Variants in STON2 observed in about 807,000 individuals in gnomAD.
STON2 encodes the protein stonin 2.
Under a neutral mutation model 65.7 loss-of-function variants are expected in STON2, and 29 were observed. The ratio of observed to expected loss-of-function variants is 0.44; its 90% confidence interval spans 0.33 to 0.60. STON2 has a LOEUF of 0.60. Among genes scored for constraint, STON2 ranks in the 20% least tolerant of loss-of-function variants. The pLI is 0.03. For synonymous variants in STON2, 404 were observed against 414.2 expected (o/e 0.98, Z 0.30); for missense variants, 1,054 against 1,118.1 (o/e 0.94, Z 0.82).
At chr14:81,311,575 T>A (rs1055644418) in intron 5 of STON2, among the ~76,000 whole-genome samples, 3 of 152,172 alleles carry the variant, frequency 2.0e-5, no homozygotes, top group African/African-American at 4.8e-5. Flanking sequence ...TTCTATTAAC[T>A]CCACATAAAA....
chr14:81,277,178 A>C lies in STON2; in HGVS notation c.2304T>G (p.Thr768=), dbSNP rs1258219971. 6.8e-6 allele frequency: 11 copies of C among 1,614,230 alleles called. No homozygotes were observed. The highest frequency in any genetic ancestry group is 8.5e-6 in the Non-Finnish European group (10 of 1,180,038). ...VEVQSWLRMS[T]GFSANRDPLT... is the part of the protein sequence containing the mutation. ...GGGGGTCACGATTGGCGGAGAAGCCAGTTGACATCCTCAGCCAGCTCTGCA... is the reference window on the plus strand; with the variant it reads ...GGGGGTCACGATTGGCGGAGAAGCCCGTTGACATCCTCAGCCAGCTCTGCA... Residue 768 remains threonine, a synonymous_variant, in exon 6 of 8, where the codon ACT becomes ACG. Transcript: ENST00000614646.
intron 5 of STON2, among the ~76,000 whole-genome samples, chr14:81,287,154 A>G (rs1895363882): frequency 1.3e-5 from 2 of 152,210 alleles, no homozygotes; most frequent in South Asian, 4.1e-4. Flanking sequence ...AGTCATATCA[A>G]GCTTATCAAG....
intron 7 of STON2, 97 bp from the exon 8 acceptor site, chr14:81,268,594 C>T: frequency 7.9e-7 from 1 of 1,263,652 alleles, no homozygotes; most frequent in Non-Finnish European, 1.0e-6. Flanking sequence ...TTTGAAATTT[C>T]TTATAATTTT....
chr14:81,262,007 A>G lies in STON2; in HGVS notation c.*6407T>C, dbSNP rs1458944003. The stretch of plus-strand genomic sequence containing the variant: ...AAAAGATGGACCAGGTGATTTTTCC[A>G]ATCTTCAAAATTTAAATTTCTTGGT... On this transcript the variant is annotated 3_prime_UTR_variant, in exon 8 of 8. Coordinates refer to ENST00000614646, the MANE Select transcript of STON2 (RefSeq NM_001394390.1). 6 of 1,369,352 alleles carry G rather than the reference A, an allele frequency of 4.4e-6. No individual in the cohort carries two copies. In the South Asian group the frequency reaches 5.7e-5, roughly 13 times the overall value. 84.8% of individuals were successfully genotyped at this position (1,369,352 alleles called of 1,614,324 possible).
At position 81,265,056 on chromosome 14, in the gene STON2, A is replaced by T. The variant is rs1331411395; in HGVS notation, c.*3358T>A. ...TTTTTAATATTTTCACATTATTGATAACAAAGATTATTTGTGACCACAAAA... is the reference window on the plus strand; with the variant it reads ...TTTTTAATATTTTCACATTATTGATTACAAAGATTATTTGTGACCACAAAA... On this transcript the variant is annotated 3_prime_UTR_variant, in exon 8 of 8. Transcript: ENST00000614646. The T allele has an allele frequency of 2.0e-6, 2 of 982,404 alleles. No homozygotes were observed. Among genetic ancestry groups the T allele is most frequent in the East Asian group, 1.1e-4 (1 of 8,806 alleles). The allele number at this position is 982,404 out of a possible 1,614,324, so 60.9% of individuals were successfully genotyped here.
At chr14:81,339,956 C>T (rs1198224711) in intron 4 of STON2, among the ~76,000 whole-genome samples, 3 of 152,104 alleles carry the variant, frequency 2.0e-5, no homozygotes, top group African/African-American at 7.2e-5. Flanking sequence ...AGATCAAGAC[C>T]ATCCTGGCTA....
At chr14:81,415,580 G>GA (rs1178292641) in intron 2 of STON2, among the ~76,000 whole-genome samples, 2 of 142,178 alleles carry the variant, frequency 1.4e-5, no homozygotes, top group Non-Finnish European at 3.0e-5. Flanking sequence ...TGAGGCAGGA[G>GA]AATCACTTGA....
intron 6 of STON2, among the ~76,000 whole-genome samples, chr14:81,275,498 G>C (rs2140113040): frequency 6.6e-6 from 1 of 152,138 alleles, no homozygotes; most frequent in South Asian, 2.1e-4. Flanking sequence ...GAGAGTTCAG[G>C]GTTTTCTCTC....
intron 5 of STON2, among the ~76,000 whole-genome samples, chr14:81,305,807 T>C (rs1196236802): frequency 6.6e-6 from 1 of 151,630 alleles, no homozygotes; most frequent in African/African-American, 2.4e-5. Context: ...AGAGATTGAC[T>C]GGTGGGATTG....
chr14:81,395,713 T>C (rs1900280615), intron 3 of STON2, 181 bp downstream of exon 3: 6 of 628,534 alleles, frequency 9.5e-6, no homozygotes, highest in East Asian at 2.7e-5. Flanking sequence ...TGTATGCTTA[T>C]GTCAACAAAA....
chr14:81,319,263 T>G lies in STON2; in HGVS notation c.742+4754A>C, dbSNP rs192429986. Among the ~76,000 whole-genome samples, 194 of 152,350 alleles carry G rather than the reference T, an allele frequency of 1.3e-3. 1 individual carries two copies. The East Asian group carries it at 0.023, about 18-fold the overall frequency. ...TAAAATTTCACCTGAAATTTAATGG[T>G]TAAAATACTGCTTGCTTTGTTTTCT... On this transcript the variant is annotated intron_variant, in intron 5 of 7. Coordinates refer to ENST00000614646, the MANE Select transcript of STON2 (RefSeq NM_001394390.1).
At chr14:81,435,260 T>C (rs959578464) in intron 1 of STON2, among the ~76,000 whole-genome samples, 49 of 152,178 alleles carry the variant, frequency 3.2e-4, no homozygotes, top group Non-Finnish European at 7.3e-5. Context: ...TCATTAATAA[T>C]AGCATTTTTT....
intron 3 of STON2, among the ~76,000 whole-genome samples, chr14:81,379,153 T>G (rs1290477489): frequency 6.6e-6 from 1 of 152,178 alleles, no homozygotes; most frequent in Non-Finnish European, 1.5e-5. Context: ...AGTTAGCAAA[T>G]TAATAATGTT....
intron 4 of STON2, among the ~76,000 whole-genome samples, chr14:81,338,078 G>A (rs1897445850): frequency 3.9e-5 from 6 of 152,228 alleles, no homozygotes; most frequent in Admixed American, 3.9e-4. Flanking sequence ...ATACTTGGTT[G>A]TTGACCCTGA....
At chr14:81,273,651 C>T (rs112563085) in intron 6 of STON2, among the ~76,000 whole-genome samples, 1 of 151,640 alleles carries the variant, frequency 6.6e-6, no homozygotes, top group Non-Finnish European at 1.5e-5. Flanking sequence ...GCCCCGCCGG[C>T]GGGAGTCACG....
At chr14:81,315,642 C>T (rs1221884045) in intron 5 of STON2, among the ~76,000 whole-genome samples, 1 of 152,262 alleles carries the variant, frequency 6.6e-6, no homozygotes, top group Non-Finnish European at 1.5e-5. Context: ...CTTCACTGTC[C>T]TTTCTCAGGG....
rs375071723 is a variant in STON2 at position 81,396,129 on chromosome 14, G to A, written c.138C>T (p.Ser46=). The change falls in exon 3 of 8, where the codon TCC becomes TCT. Residue 46 remains serine, a synonymous_variant. Transcript: ENST00000614646. ...CATGGTTCTCCCCGGAGGAGCTCTCGGACTGGTCTGGGGAAGATGACAGTC... is the reference window on the plus strand; with the variant it reads ...CATGGTTCTCCCCGGAGGAGCTCTCAGACTGGTCTGGGGAAGATGACAGTC... ...LPGLSSSPDQ[S]ESSSGENHVV... 8.7e-6 allele frequency: 14 copies of A among 1,613,928 alleles called. No individual in the cohort carries two copies. Among genetic ancestry groups the A allele is most frequent in the African/African-American group, 4.0e-5 (3 of 74,892 alleles).
At position 81,267,714 on chromosome 14, in the gene STON2, C is replaced by A; in HGVS notation, c.*700G>T. On this transcript the variant is annotated 3_prime_UTR_variant, in exon 8 of 8. Coordinates refer to ENST00000614646, the MANE Select transcript of STON2 (RefSeq NM_001394390.1). ...ACACCCATTTTGCAGAATGTGGGTC[C>A]ATTCACAAAATTAAAAAGTCTCCTA... 1.0e-6 allele frequency: 1 copy of A among 985,354 alleles called. No homozygotes were observed. Among genetic ancestry groups the A allele is most frequent in the Non-Finnish European group, 1.2e-6 (1 of 829,928 alleles). 61.0% of individuals were successfully genotyped at this position (985,354 alleles called of 1,614,324 possible).
Position 81,261,714 on chromosome 14 carries a change from T to A in STON2, c.*6700A>T. On this transcript the variant is annotated 3_prime_UTR_variant, in exon 8 of 8. Coordinates refer to ENST00000614646, the MANE Select transcript of STON2 (RefSeq NM_001394390.1). ...TCCCCAGTACTTGGAGGGTTAGACC[T>A]ACTTCTGTGTCAGGTAGCACCCAAA... The A allele has an allele frequency of 7.1e-7, 1 of 1,400,840 alleles. No individual in the cohort carries two copies. The highest frequency in any genetic ancestry group is 9.3e-7 in the Non-Finnish European group (1 of 1,076,474). 86.8% of individuals were successfully genotyped at this position (1,400,840 alleles called of 1,614,324 possible). A position where few individuals can be genotyped will look rare whatever the true frequency, so the allele number is the denominator to read the frequency against.
Sources: allele counts gnomAD v4.1 joint callset (sites outside exome capture counted in the v4.1 genomes callset), GRCh38; gene constraint gnomAD v4.1.1; transcripts MANE v1.5; gene names NCBI Gene and HGNC (gene_info 2026-07-23, HGNC 2026-07-21).